The following KCNQ3 variants were observed in gnomAD, a reference collection of about 807,000 sequenced individuals.
The protein encoded by KCNQ3 is potassium voltage-gated channel subfamily KQT member 3.
A neutral mutation model predicts 92.5 loss-of-function variants in KCNQ3; 30 were observed. The ratio of observed to expected loss-of-function variants is 0.32; its 90% confidence interval spans 0.24 to 0.44. The LOEUF (loss-of-function observed/expected upper bound fraction) is 0.44. Ranked by LOEUF, KCNQ3 falls within the 20% of genes least tolerant of loss-of-function variation. KCNQ3 has a pLI of 1.00. For synonymous variants in KCNQ3, 450 were observed against 468.8 expected (o/e 0.96, Z 0.52); for missense variants, 913 against 1,140.3 (o/e 0.80, Z 2.87).
At chr8:132,449,480 G>T (rs1307015626) in intron 1 of KCNQ3, among the ~76,000 whole-genome samples, 1 of 151,952 alleles carries the variant, frequency 6.6e-6, no homozygotes, top group East Asian at 1.9e-4. Context: ...CTCCTACTCT[G>T]CCTCTCATGG....
intron 1 of KCNQ3, among the ~76,000 whole-genome samples, chr8:132,364,954 C>G (rs963145617): frequency 6.6e-6 from 1 of 152,090 alleles, no homozygotes; most frequent in African/African-American, 2.4e-5. Flanking sequence ...GGAGTGCTAA[C>G]TTTATCAGAA....
At chr8:132,357,447 C>A (rs1003540834) in intron 1 of KCNQ3, among the ~76,000 whole-genome samples, 7 of 152,228 alleles carry the variant, frequency 4.6e-5, no homozygotes, top group African/African-American at 1.7e-4. Context: ...GCACATTTAT[C>A]CATGTCTCCT....
At chr8:132,363,079 G>A (rs112215366) in intron 1 of KCNQ3, among the ~76,000 whole-genome samples, 1 of 152,092 alleles carries the variant, frequency 6.6e-6, no homozygotes, top group Admixed American at 6.5e-5. Context: ...ACAAAGTCAC[G>A]GGAAGGGGGC....
At chr8:132,479,628 GACACACACAC>G (rs71306386) in intron 1 of KCNQ3, among the ~76,000 whole-genome samples, 4 of 144,264 alleles carry the variant, frequency 2.8e-5, no homozygotes, top group East Asian at 2.1e-4. Context: ...ACAAGCAAGC[GACACACACAC>G]ACACACACAC....
chr8:132,340,925 A>G (rs1264467114), intron 1 of KCNQ3, among the ~76,000 whole-genome samples: 1 of 152,252 alleles, frequency 6.6e-6, no homozygotes, highest in Non-Finnish European at 1.5e-5. Context: ...GTTCTCTGAT[A>G]TAGTTGTCAC....
intron 1 of KCNQ3, among the ~76,000 whole-genome samples, chr8:132,436,914 G>T (rs1465369621): frequency 3.9e-5 from 6 of 152,086 alleles, no homozygotes; most frequent in Non-Finnish European, 8.8e-5. Flanking sequence ...CTTGTCTTTG[G>T]CCTGCTGTCA....
intron 1 of KCNQ3, among the ~76,000 whole-genome samples, chr8:132,434,422 A>G (rs1234278536): frequency 6.6e-6 from 1 of 152,146 alleles, no homozygotes; most frequent in Non-Finnish European, 1.5e-5. Flanking sequence ...TCTATGAATG[A>G]AGAGGTTATT....
intron 1 of KCNQ3, among the ~76,000 whole-genome samples, chr8:132,378,572 C>T (rs1160179144): frequency 6.6e-6 from 1 of 152,170 alleles, no homozygotes; most frequent in African/African-American, 2.4e-5. Flanking sequence ...AAGACAGATA[C>T]TCTTGCCTTG....
At chr8:132,319,037 T>C (rs774685077) in intron 1 of KCNQ3, among the ~76,000 whole-genome samples, 1 of 152,074 alleles carries the variant, frequency 6.6e-6, no homozygotes, top group Non-Finnish European at 1.5e-5. Context: ...ACCCCAAAAA[T>C]GTTGGCTCCA....
chr8:132,381,020 G>C (rs1022677112), intron 1 of KCNQ3, among the ~76,000 whole-genome samples: 9 of 151,596 alleles, frequency 5.9e-5, no homozygotes, highest in African/African-American at 2.2e-4. Flanking sequence ...AGGGAGGATA[G>C]AGCAAAGGGA....
At chr8:132,140,945 A>G (rs1340552222) in intron 10 of KCNQ3, 184 bp downstream of exon 10, 6 of 638,848 alleles carry the variant, frequency 9.4e-6, no homozygotes, top group Non-Finnish European at 1.7e-5. Flanking sequence ...GGAATACATC[A>G]CAATGCCTCA....
chr8:132,339,704 T>C (rs543233110), intron 1 of KCNQ3, among the ~76,000 whole-genome samples: 5 of 152,298 alleles, frequency 3.3e-5, no homozygotes, highest in Non-Finnish European at 5.9e-5. Flanking sequence ...ACAGCCCCTG[T>C]ATCCTGCCTG....
intron 1 of KCNQ3, among the ~76,000 whole-genome samples, chr8:132,215,293 A>G (rs1307548169): frequency 6.6e-6 from 1 of 152,252 alleles, no homozygotes; most frequent in Admixed American, 6.5e-5. Flanking sequence ...TATGTATGGG[A>G]AAGAAATATG....
At chr8:132,295,140 T>G (rs1816976784) in intron 1 of KCNQ3, among the ~76,000 whole-genome samples, 1 of 152,244 alleles carries the variant, frequency 6.6e-6, no homozygotes, top group African/African-American at 2.4e-5. Flanking sequence ...TCTGTCCATC[T>G]GACAAAGGTC....
intron 1 of KCNQ3, among the ~76,000 whole-genome samples, chr8:132,187,368 C>A (rs62519606): frequency 0.07 from 10,699 of 152,180 alleles, 541 homozygotes; most frequent in African/African-American, 0.13. Context: ...TGATGTAAGG[C>A]GGATGGAAAT....
chr8:132,277,265 C>T (rs1463405315), intron 1 of KCNQ3, among the ~76,000 whole-genome samples: 3 of 152,188 alleles, frequency 2.0e-5, no homozygotes, highest in Non-Finnish European at 4.4e-5. Context: ...TAAAGTCACA[C>T]AGCTTTTAAG....
At chr8:132,157,641 GTTTTA>G (rs1554624953) in intron 9 of KCNQ3, among the ~76,000 whole-genome samples, 17 of 151,572 alleles carry the variant, frequency 1.1e-4, no homozygotes, top group South Asian at 4.2e-4. Context: ...TGTAACCTGT[GTTTTA>G]TTTTATTTTA....
intron 1 of KCNQ3, among the ~76,000 whole-genome samples, chr8:132,470,773 C>T (rs1385824424): frequency 1.3e-5 from 2 of 152,158 alleles, no homozygotes; most frequent in South Asian, 2.1e-4. Flanking sequence ...TCTCTTTAGC[C>T]TCCATTAACT....
At chr8:132,133,576 G>A (rs1046892599) in intron 13 of KCNQ3, among the ~76,000 whole-genome samples, 2 of 151,942 alleles carry the variant, frequency 1.3e-5, no homozygotes, top group East Asian at 1.9e-4. Context: ...GGCTGGTCTC[G>A]AGCTCCTGAC....
Sources: gnomAD v4.1 joint callset for allele counts (sites outside exome capture counted in the v4.1 genomes callset) on GRCh38, gnomAD v4.1.1 for gene constraint, MANE v1.5 for transcripts, NCBI Gene and HGNC (gene_info 2026-07-23, HGNC 2026-07-21) for gene names.